The following PTK2B variants were observed in gnomAD, a reference collection of about 807,000 sequenced individuals.
PTK2B encodes protein tyrosine kinase 2 beta.
Under a neutral mutation model 142.9 loss-of-function variants are expected in PTK2B, and 71 were observed. The observed-to-expected ratio is 0.50, with a 90% CI of 0.41 to 0.61. PTK2B has a LOEUF of 0.61. Among genes scored for constraint, PTK2B ranks in the 20% least tolerant of loss-of-function variants. PTK2B has a pLI of 0.00. For missense variants in PTK2B, 1,105 were observed against 1,320.4 expected (o/e 0.84, Z 2.53); for synonymous variants, 519 against 503.4 (o/e 1.03, Z -0.42).
At chr8:27,357,472 T>A (rs1043943605) in intron 1 of PTK2B, among the ~76,000 whole-genome samples, 5 of 152,204 alleles carry the variant, frequency 3.3e-5, no homozygotes, top group African/African-American at 7.2e-5. Context: ...GGAAATTCAT[T>A]TTCTTGCAAA....
At chr8:27,448,790 G>T (rs1811631973) in intron 24 of PTK2B, among the ~76,000 whole-genome samples, 1 of 152,226 alleles carries the variant, frequency 6.6e-6, no homozygotes. Context: ...CCATGCCATT[G>T]TGTCTGCAGG....
chr8:27,369,786 C>T (rs1236027114), intron 1 of PTK2B, among the ~76,000 whole-genome samples: 1 of 152,112 alleles, frequency 6.6e-6, no homozygotes, highest in African/African-American at 2.4e-5. Context: ...ACCAGCCTGG[C>T]CAACATGGCA....
intron 16 of PTK2B, 21 bp downstream of exon 16, chr8:27,437,227 C>A: frequency 6.2e-7 from 1 of 1,600,426 alleles, no homozygotes; most frequent in Non-Finnish European, 8.6e-7. Context: ...CTGAGACCAA[C>A]CAGGCCTCCA....
chr8:27,423,745 C>T (rs922700270), intron 5 of PTK2B, among the ~76,000 whole-genome samples: 9 of 152,132 alleles, frequency 5.9e-5, no homozygotes, highest in Non-Finnish European at 1.2e-4. Flanking sequence ...GCTGGGGAGT[C>T]CTCCGGTGGG....
intron 1 of PTK2B, among the ~76,000 whole-genome samples, chr8:27,337,878 G>A (rs1804172116): frequency 6.6e-6 from 1 of 152,140 alleles, no homozygotes; most frequent in African/African-American, 2.4e-5. Context: ...CTGAGCTATA[G>A]ACTTAAGAGT....
At chr8:27,319,028 A>G (rs990995811) in intron 3 of PTK2B, among the ~76,000 whole-genome samples, 8 of 151,946 alleles carry the variant, frequency 5.3e-5, no homozygotes, top group Non-Finnish European at 5.9e-5. Flanking sequence ...ACCCAAATCA[A>G]TTTTTCAATG....
intron 29 of PTK2B, 81 bp downstream of exon 29, chr8:27,454,372 T>C (rs1812014392): frequency 2.5e-6 from 4 of 1,570,462 alleles, no homozygotes; most frequent in Non-Finnish European, 2.6e-6. Flanking sequence ...TCCTGTTGGC[T>C]GGCCCAGCAG....
chr8:27,360,733 A>T (rs1805650874), intron 1 of PTK2B, among the ~76,000 whole-genome samples: 1 of 152,198 alleles, frequency 6.6e-6, no homozygotes, highest in East Asian at 1.9e-4. Flanking sequence ...AAAGGATGTG[A>T]AAGACTTCTG....
In PTK2B at chr8:27,431,086, G is replaced by T. The variant is rs916936963; in HGVS notation, c.810+70G>T. Reference sequence around the variant, plus strand: ...GCCTCTCGGAAAAGGGGGCCAGGAGGGGGCAGGGAGAGGCTGCAATCGCTG... The same window carrying T: ...GCCTCTCGGAAAAGGGGGCCAGGAGTGGGCAGGGAGAGGCTGCAATCGCTG... On this transcript the variant is annotated intron_variant, in intron 8 of 30. Transcript: ENST00000346049. 2.6e-6 allele frequency: 4 copies of T among 1,558,880 alleles called. No homozygotes were observed. In the South Asian group the frequency reaches 3.6e-5, roughly 14 times the overall value.
At chr8:27,439,247 A>T (rs1347576746) in intron 19 of PTK2B, 62 bp from the exon 20 acceptor site, 2 of 1,561,048 alleles carry the variant, frequency 1.3e-6, no homozygotes, top group Non-Finnish European at 1.8e-6. Context: ...AGAAAGTAGG[A>T]TGTATTTCTG....
At chr8:27,310,871 G>C, upstream of PTK2B, 1 of 1,612,616 alleles carries the variant, frequency 6.2e-7, no homozygotes, top group Non-Finnish European at 8.5e-7. Flanking sequence ...GGCCTGGCAG[G>C]AGCAGCACAG....
At position 27,458,577 on chromosome 8, in the gene PTK2B, T is replaced by C; in HGVS notation, c.*68T>C. 1 of 1,496,828 alleles carries C rather than the reference T, an allele frequency of 6.7e-7. No individual in the cohort carries two copies. Among genetic ancestry groups the C allele is most frequent in the Non-Finnish European group, 9.0e-7 (1 of 1,109,088 alleles). 92.7% of individuals were successfully genotyped at this position (1,496,828 alleles called of 1,614,324 possible). On this transcript the variant is annotated 3_prime_UTR_variant, in exon 31 of 31. Transcript: ENST00000346049. ...GCCATGTACCTCCCCTGCCTTGCTG[T>C]TGGTCATGTGGGTCTTCCAGGGGGA...
At chr8:27,455,616 TG>T (rs1812098914) in intron 30 of PTK2B, among the ~76,000 whole-genome samples, 1 of 152,314 alleles carries the variant, frequency 6.6e-6, no homozygotes, top group South Asian at 2.1e-4. Flanking sequence ...ACAGATGTGA[TG>T]GATGAAGGAG....
At chr8:27,399,675 C>T (rs970206942) in intron 2 of PTK2B, among the ~76,000 whole-genome samples, 10 of 152,042 alleles carry the variant, frequency 6.6e-5, no homozygotes, top group Admixed American at 4.6e-4. Flanking sequence ...TATCTGGGGT[C>T]GGTGGGGAAC....
intron 2 of PTK2B, among the ~76,000 whole-genome samples, chr8:27,401,930 G>A (rs934190908): frequency 1.3e-5 from 2 of 152,176 alleles, no homozygotes; most frequent in Non-Finnish European, 2.9e-5. Context: ...GGTGATGGTA[G>A]TGATGATGAT....
chr8:27,382,252 G>A (rs1204516248), intron 1 of PTK2B, among the ~76,000 whole-genome samples: 1 of 152,114 alleles, frequency 6.6e-6, no homozygotes, highest in African/African-American at 2.4e-5. Flanking sequence ...CTGGTTATAT[G>A]TCTTCTTTTG....
chr8:27,359,782 G>A (rs377533964), intron 1 of PTK2B, among the ~76,000 whole-genome samples: 1 of 152,082 alleles, frequency 6.6e-6, no homozygotes, highest in Non-Finnish European at 1.5e-5. Flanking sequence ...CCCAGACAGA[G>A]GTCAAGCTTC....
chr8:27,426,564 T>G (rs901227606), intron 5 of PTK2B, among the ~76,000 whole-genome samples: 5 of 151,970 alleles, frequency 3.3e-5, no homozygotes, highest in African/African-American at 4.8e-5. Context: ...CTCCCAGACA[T>G]TCCCAAGATG....
chr8:27,377,341 A>C (rs1218912025), intron 1 of PTK2B, among the ~76,000 whole-genome samples: 1 of 152,180 alleles, frequency 6.6e-6, no homozygotes, highest in Non-Finnish European at 1.5e-5. Flanking sequence ...ATTTTTACTC[A>C]TGTTCACAAC....
Sources: gnomAD v4.1 joint callset for allele counts (sites outside exome capture counted in the v4.1 genomes callset) on GRCh38, gnomAD v4.1.1 for gene constraint, MANE v1.5 for transcripts, NCBI Gene and HGNC (gene_info 2026-07-23, HGNC 2026-07-21) for gene names.